MED24: variants seen among roughly 807,000 people sequenced by gnomAD.
The protein encoded by MED24 is mediator complex subunit 24, also known as mediator of RNA polymerase II transcription subunit 24.
In MED24, 74 loss-of-function variants were observed where a neutral mutation model predicts 118.8. That is an observed-to-expected ratio of 0.62 (90% CI 0.52 to 0.76). MED24 has a LOEUF of 0.76. Ranked by LOEUF, MED24 falls within the 30% of genes least tolerant of loss-of-function variation. The pLI, the probability that MED24 is intolerant of heterozygous loss-of-function variation, is 0.00. For missense variants in MED24, 1,041 were observed against 1,278.9 expected (o/e 0.81, Z 2.84); for synonymous variants, 521 against 523.9 (o/e 0.99, Z 0.08).
chr17:40,037,143 C>T (rs557553680), intron 3 of MED24, among the ~76,000 whole-genome samples: 2 of 151,576 alleles, frequency 1.3e-5, no homozygotes, highest in African/African-American at 2.4e-5. Flanking sequence ...ATCTTGCCAC[C>T]GCACTCTAAC....
intron 3 of MED24, among the ~76,000 whole-genome samples, chr17:40,043,554 C>T (rs1984780340): frequency 6.6e-6 from 1 of 151,884 alleles, no homozygotes. Flanking sequence ...CTTTTTTTCC[C>T]TTACTGGACT....
chr17:40,019,427 AGCGGATGTGAGGCACGAT>A lies in MED24; in HGVS notation c.*84_*101del. On this transcript the variant is annotated 3_prime_UTR_variant, in exon 26 of 26. Coordinates refer to ENST00000394128, the MANE Select transcript of MED24 (RefSeq NM_014815.4). ...CGCTAGAGGCTCTTGCACCATGTGG[AGCGGATGTGAGGCACGAT>A]GCCTCATCTTTCCTCACTGCTTCCC... 2.2e-6 allele frequency: 2 copies of A among 928,340 alleles called. No homozygotes were observed. Among genetic ancestry groups the A allele is most frequent in the Non-Finnish European group, 3.4e-6 (2 of 591,280 alleles). The allele number at this position is 928,340 out of a possible 1,614,324, so 57.5% of individuals were successfully genotyped here.
At chr17:40,020,494 A>T (rs774331907) in intron 23 of MED24, 141 bp from the exon 24 acceptor site, 4 of 1,536,344 alleles carry the variant, frequency 2.6e-6, no homozygotes, top group Non-Finnish European at 3.5e-6. Flanking sequence ...TGAGATCAAG[A>T]GCACAAAGGG....
At chr17:40,035,555 T>C (rs1983836812) in intron 5 of MED24, among the ~76,000 whole-genome samples, 167 bp downstream of exon 5, 1 of 151,890 alleles carries the variant, frequency 6.6e-6, no homozygotes, top group African/African-American at 2.4e-5. Flanking sequence ...AGGCACTCTG[T>C]CCTAAGGGAG....
intron 22 of MED24, 74 bp downstream of exon 22, chr17:40,022,320 C>G: frequency 6.8e-7 from 1 of 1,466,520 alleles, no homozygotes; most frequent in East Asian, 2.4e-5. Context: ...TTCCCTTTGC[C>G]TGGGGAATCC....
At chr17:40,026,387 A>G in intron 18 of MED24, 56 bp from the exon 19 acceptor site, 1 of 1,586,158 alleles carries the variant, frequency 6.3e-7, no homozygotes, top group Non-Finnish European at 8.6e-7. Context: ...TTGAGCCAAC[A>G]TCACCTTCTC....
At chr17:40,035,663 C>G (rs566865966) in intron 5 of MED24, 59 bp downstream of exon 5, 2 of 1,570,194 alleles carry the variant, frequency 1.3e-6, no homozygotes, top group East Asian at 2.2e-5. Flanking sequence ...GGAGCTGCAC[C>G]TCTGCACAAA....
intron 16 of MED24, 78 bp downstream of exon 16, chr17:40,027,305 G>A (rs980475051): frequency 3.4e-6 from 5 of 1,457,376 alleles, no homozygotes; most frequent in Admixed American, 2.1e-5. Context: ...GGCTGCGGGG[G>A]CGCAGGCAGT....
At chr17:40,031,288 G>T in intron 11 of MED24, 43 bp from the exon 12 acceptor site, 1 of 1,521,242 alleles carries the variant, frequency 6.6e-7, no homozygotes, top group South Asian at 1.2e-5. Context: ...CACCTGGATA[G>T]GATGGTGAGG....
intron 3 of MED24, among the ~76,000 whole-genome samples, chr17:40,045,872 G>A (rs1435897188): frequency 6.6e-6 from 1 of 152,136 alleles, no homozygotes; most frequent in African/African-American, 2.4e-5. Flanking sequence ...CCGCCTCCTG[G>A]GTTCAAGTGA....
At chr17:40,046,936 A>G (rs1262171725) in intron 3 of MED24, among the ~76,000 whole-genome samples, 1 of 152,068 alleles carries the variant, frequency 6.6e-6, no homozygotes, top group Non-Finnish European at 1.5e-5. Flanking sequence ...GGAAGATCCC[A>G]TCTTTACAAA....
At position 40,040,980 on chromosome 17, in the gene MED24, T is replaced by C. The variant is rs570344503; in HGVS notation, c.214-4826A>G. Among the ~76,000 whole-genome samples the C allele has an allele frequency of 3.3e-5, 5 of 152,020 alleles. No individual in the cohort carries two copies. The South Asian group carries it at 1.0e-3, about 32-fold the overall frequency. ...CTAGGCTGGGCTCAAACTCCTGGCCTCAAGTGATCCTCCTACCTCGGCCTC... is the reference window on the plus strand; with the variant it reads ...CTAGGCTGGGCTCAAACTCCTGGCCCCAAGTGATCCTCCTACCTCGGCCTC... On this transcript the variant is annotated intron_variant, in intron 3 of 25. Coordinates refer to ENST00000394128, the MANE Select transcript of MED24 (RefSeq NM_014815.4).
chr17:40,023,478 T>TC, intron 19 of MED24, 83 bp from the exon 20 acceptor site: 1 of 1,349,822 alleles, frequency 7.4e-7, no homozygotes, highest in Non-Finnish European at 1.0e-6. Flanking sequence ...TGCCAGACTT[T>TC]CCCTTGGACT....
At chr17:40,031,481 AG>A in intron 11 of MED24, 56 bp downstream of exon 11, 1 of 1,515,420 alleles carries the variant, frequency 6.6e-7, no homozygotes, top group Non-Finnish European at 9.1e-7. Flanking sequence ...CACAGAGATC[AG>A]GGGAAGAGCC....
chr17:40,037,837 G>T (rs1012780843), intron 3 of MED24, among the ~76,000 whole-genome samples: 51 of 152,034 alleles, frequency 3.4e-4, no homozygotes, highest in East Asian at 3.9e-4. Context: ...CGTGAACCCG[G>T]GAGGCAGAGC....
At position 40,032,038 on chromosome 17, in the gene MED24, C is replaced by G; in HGVS notation, c.984+5G>C. ...CCCATGCCTCCATCTCAATCCCCAACTCACCTTGTCTCCATGAGAGTACTT... is the reference window on the plus strand; with the variant it reads ...CCCATGCCTCCATCTCAATCCCCAAGTCACCTTGTCTCCATGAGAGTACTT... On this transcript the variant is annotated splice_donor_5th_base_variant and intron_variant, in intron 10 of 25. Coordinates refer to ENST00000394128, the MANE Select transcript of MED24 (RefSeq NM_014815.4). 1 of 1,613,678 alleles carries G rather than the reference C, an allele frequency of 6.2e-7. No individual in the cohort carries two copies. The highest frequency in any genetic ancestry group is 8.5e-7 in the Non-Finnish European group (1 of 1,179,758).
chr17:40,026,132 G>T, intron 19 of MED24, 24 bp downstream of exon 19: 1 of 1,603,960 alleles, frequency 6.2e-7, no homozygotes, highest in South Asian at 1.1e-5. Context: ...TGAAGGGTCT[G>T]AGAAGGGAAG....
intron 3 of MED24, among the ~76,000 whole-genome samples, chr17:40,037,132 A>T (rs1984030966): frequency 6.6e-6 from 1 of 151,994 alleles, no homozygotes; most frequent in Admixed American, 6.6e-5. Flanking sequence ...AGTGAGACGA[A>T]ATCTTGCCAC....
At chr17:40,027,710 G>T in intron 15 of MED24, 199 bp downstream of exon 15, 1 of 685,774 alleles carries the variant, frequency 1.5e-6, no homozygotes, top group Non-Finnish European at 2.5e-6. Flanking sequence ...GGGGGAAGGA[G>T]ACACAGGGAT....
Sources: allele counts gnomAD v4.1 joint callset (sites outside exome capture counted in the v4.1 genomes callset), GRCh38; gene constraint gnomAD v4.1.1; transcripts MANE v1.5; gene names NCBI Gene and HGNC (gene_info 2026-07-23, HGNC 2026-07-21).